Variants in LRRC4C observed in about 807,000 individuals in gnomAD.
LRRC4C encodes the protein leucine-rich repeat-containing protein 4C.
In LRRC4C, 5 loss-of-function variants were observed where a neutral mutation model predicts 33.6. That is an observed-to-expected ratio of 0.15 (90% CI 0.08 to 0.31). LRRC4C has a LOEUF of 0.31. Ranked by LOEUF, LRRC4C falls within the 10% of genes least tolerant of loss-of-function variation. The probability of loss-of-function intolerance (pLI) is 1.00; values close to 1 mark genes in which losing one functional copy is unlikely to be tolerated. For missense variants in LRRC4C, 560 were observed against 796.7 expected, an observed-to-expected ratio of 0.70 and a Z score of 3.58; for synonymous variants, 329 against 302.0, an observed-to-expected ratio of 1.09 and a Z score of -0.93.
At chr11:40,456,472 C>A (rs1952135907) in intron 3 of LRRC4C, among the ~76,000 whole-genome samples, 1 of 151,148 alleles carries the variant, frequency 6.6e-6, no homozygotes, top group South Asian at 2.1e-4. Context: ...AGGAAATCTC[C>A]CAGAATACAG....
chr11:40,939,955 A>C (rs893787909), intron 1 of LRRC4C, among the ~76,000 whole-genome samples: 2 of 152,188 alleles, frequency 1.3e-5, no homozygotes, highest in African/African-American at 2.4e-5. Flanking sequence ...GTGAAGGTCC[A>C]ATCAGAGTTC....
chr11:41,370,826 C>T (rs1267715430), intron 1 of LRRC4C, among the ~76,000 whole-genome samples: 1 of 152,124 alleles, frequency 6.6e-6, no homozygotes, highest in Non-Finnish European at 1.5e-5. Flanking sequence ...TAGGCATGAG[C>T]TACCACGCTT....
chr11:41,113,343 TTG>T (rs1351347250), intron 1 of LRRC4C, among the ~76,000 whole-genome samples: 1 of 152,010 alleles, frequency 6.6e-6, no homozygotes, highest in Non-Finnish European at 1.5e-5. Context: ...GCTGATGCTG[TTG>T]GGGAAGATGA....
intron 2 of LRRC4C, among the ~76,000 whole-genome samples, chr11:40,653,536 A>G (rs1166590135): frequency 2.0e-5 from 3 of 152,214 alleles, no homozygotes; most frequent in Non-Finnish European, 4.4e-5. Flanking sequence ...CTAAGCAACA[A>G]AGCATTCAAG....
chr11:40,767,047 A>G (rs977792309), intron 2 of LRRC4C, among the ~76,000 whole-genome samples: 4 of 151,816 alleles, frequency 2.6e-5, no homozygotes, highest in African/African-American at 9.7e-5. Context: ...AAAAAAAAAG[A>G]AAACAAGAAT....
intron 3 of LRRC4C, among the ~76,000 whole-genome samples, chr11:40,385,640 G>A (rs1314344657): frequency 6.6e-6 from 1 of 152,054 alleles, no homozygotes; most frequent in Non-Finnish European, 1.5e-5. Context: ...AGGCCGAGGT[G>A]GGCAGATGAG....
At chr11:40,997,664 A>C (rs1854079651) in intron 1 of LRRC4C, among the ~76,000 whole-genome samples, 1 of 152,124 alleles carries the variant, frequency 6.6e-6, no homozygotes, top group Non-Finnish European at 1.5e-5. Flanking sequence ...GTTTTTCATT[A>C]GGTAAAAGGA....
At chr11:40,331,747 G>A (rs976401152) in intron 3 of LRRC4C, among the ~76,000 whole-genome samples, 1 of 152,128 alleles carries the variant, frequency 6.6e-6, no homozygotes, top group African/African-American at 2.4e-5. Flanking sequence ...CTGGTTCATG[G>A]ACCTTCAAAC....
chr11:40,859,858 C>T (rs904487938), intron 2 of LRRC4C, among the ~76,000 whole-genome samples: 11 of 152,130 alleles, frequency 7.2e-5, no homozygotes, highest in East Asian at 1.9e-4. Context: ...GGGCGGATCG[C>T]GAGGTCAGGA....
intron 2 of LRRC4C, among the ~76,000 whole-genome samples, chr11:40,659,075 C>A (rs180759587): frequency 3.3e-5 from 5 of 152,186 alleles, no homozygotes; most frequent in African/African-American, 1.2e-4. Context: ...CTCTTGGGGG[C>A]CCAGGAAGCC....
chr11:41,337,916 G>A (rs1012304981), intron 1 of LRRC4C, among the ~76,000 whole-genome samples: 2 of 152,104 alleles, frequency 1.3e-5, no homozygotes, highest in African/African-American at 4.8e-5. Context: ...CATTTATGCA[G>A]CCAACAAACA....
chr11:41,143,338 G>T lies in LRRC4C; in HGVS notation c.-495-209615C>A, dbSNP rs77696582. 2.2e-4 allele frequency among the ~76,000 whole-genome samples: 34 copies of T among 152,070 alleles called. 1 individual carries two copies. In the East Asian group the frequency reaches 6.6e-3, roughly 29 times the overall value. ...GAATTTCAATTAAAGGATCAGGAAA[G>T]GTACCTACTTTGTACTAATAGTGTT... On this transcript the variant is annotated intron_variant, in intron 1 of 6. Coordinates refer to ENST00000528697, the MANE Select transcript of LRRC4C (RefSeq NM_001258419.2).
chr11:40,221,829 A>C (rs1216038363), intron 5 of LRRC4C, among the ~76,000 whole-genome samples: 1 of 152,066 alleles, frequency 6.6e-6, no homozygotes, highest in African/African-American at 2.4e-5. Flanking sequence ...CTGCTTGCTC[A>C]ATCGATCACG....
chr11:40,248,159 G>T (rs2136153074), intron 4 of LRRC4C, among the ~76,000 whole-genome samples: 1 of 152,160 alleles, frequency 6.6e-6, no homozygotes, highest in South Asian at 2.1e-4. Context: ...GGCTAAAGCA[G>T]GCTCATTCTT....
intron 3 of LRRC4C, among the ~76,000 whole-genome samples, chr11:40,452,131 G>A (rs1951914930): frequency 6.6e-6 from 1 of 151,974 alleles, no homozygotes; most frequent in Non-Finnish European, 1.5e-5. Context: ...AAGACCAAAG[G>A]TAGATAAAAC....
chr11:40,591,081 C>T (rs1257334777), intron 3 of LRRC4C, among the ~76,000 whole-genome samples: 1 of 152,168 alleles, frequency 6.6e-6, no homozygotes, highest in African/African-American at 2.4e-5. Flanking sequence ...CCCAGCCTCG[C>T]TGCCGCCTTG....
intron 3 of LRRC4C, among the ~76,000 whole-genome samples, chr11:40,431,147 A>AT (rs1307844500): frequency 6.6e-6 from 1 of 151,216 alleles, no homozygotes; most frequent in Non-Finnish European, 1.5e-5. Context: ...TAAAAAAAAA[A>AT]AAAAAAAAGA....
chr11:41,233,549 G>T (rs1174801002), intron 1 of LRRC4C, among the ~76,000 whole-genome samples: 4 of 151,918 alleles, frequency 2.6e-5, no homozygotes, highest in African/African-American at 9.7e-5. Flanking sequence ...AAAACGCCTA[G>T]AAGAAAATAC....
intron 2 of LRRC4C, among the ~76,000 whole-genome samples, chr11:40,895,423 T>C (rs191156668): frequency 2.6e-4 from 40 of 152,184 alleles, no homozygotes; most frequent in Non-Finnish European, 4.7e-4. Context: ...AGAAACATTA[T>C]AGTAACAGTG....
Sources: gnomAD v4.1 joint callset for allele counts (sites outside exome capture counted in the v4.1 genomes callset) on GRCh38, gnomAD v4.1.1 for gene constraint, MANE v1.5 for transcripts, NCBI Gene and HGNC (gene_info 2026-07-23, HGNC 2026-07-21) for gene names.